The following MGMT variants were observed in gnomAD, a reference collection of about 807,000 sequenced individuals.
The protein encoded by MGMT is methylated-DNA--protein-cysteine methyltransferase.
In MGMT, 14 loss-of-function variants were observed where a neutral mutation model predicts 15.9. The ratio of observed to expected loss-of-function variants is 0.88; its 90% CI spans 0.58 to 1.37. MGMT has a LOEUF of 1.37. Ranked by LOEUF, MGMT falls within the 40% of genes most tolerant of loss-of-function variation. The pLI is 0.00. For synonymous variants in MGMT, 130 were observed against 118.2 expected, an observed-to-expected ratio of 1.10 and a Z score of -0.65; for missense variants, 282 against 268.1, an observed-to-expected ratio of 1.05 and a Z score of -0.36.
chr10:129,479,987 T>G (rs886827356), intron 1 of MGMT, among the ~76,000 whole-genome samples: 4 of 152,168 alleles, frequency 2.6e-5, no homozygotes, highest in Non-Finnish European at 5.9e-5. Context: ...ACAATAAACC[T>G]ATTAGCTTTT....
intron 1 of MGMT, among the ~76,000 whole-genome samples, chr10:129,508,229 C>G (rs61744500): frequency 0.086 from 13,141 of 152,102 alleles, 723 homozygotes; most frequent in East Asian, 0.28. Flanking sequence ...GATGGCCACA[C>G]CACTCCAGCC....
At chr10:129,763,626 G>T (rs555136797) in intron 4 of MGMT, among the ~76,000 whole-genome samples, 2 of 152,272 alleles carry the variant, frequency 1.3e-5, no homozygotes, top group Admixed American at 1.3e-4. Context: ...TCTGCTATTA[G>T]GTAGGAAAAT....
chr10:129,619,442 G>T (rs1325633712), intron 2 of MGMT, among the ~76,000 whole-genome samples: 1 of 152,080 alleles, frequency 6.6e-6, no homozygotes, highest in East Asian at 1.9e-4. Context: ...CGAATTACGG[G>T]ATACTGGTCT....
chr10:129,759,391 T>G (rs1589979860), intron 4 of MGMT, 50 bp downstream of exon 4: 1 of 1,611,946 alleles, frequency 6.2e-7, no homozygotes, highest in Non-Finnish European at 8.5e-7. Flanking sequence ...TGCGTGCAGG[T>G]GGCAGGGTGT....
chr10:129,593,331 G>A (rs1846711548), intron 2 of MGMT, among the ~76,000 whole-genome samples: 1 of 152,220 alleles, frequency 6.6e-6, no homozygotes, highest in Admixed American at 6.5e-5. Context: ...GGTGGGTCCT[G>A]ATCAGCAGTT....
intron 4 of MGMT, 31 bp downstream of exon 4, chr10:129,759,372 G>T (rs769978569): frequency 1.2e-6 from 2 of 1,613,554 alleles, no homozygotes; most frequent in South Asian, 2.2e-5. Flanking sequence ...CATGGCTGTG[G>T]GTGGCGGGTG....
intron 3 of MGMT, among the ~76,000 whole-genome samples, chr10:129,714,468 A>G (rs1008792436): frequency 1.2e-4 from 19 of 152,170 alleles, no homozygotes; most frequent in African/African-American, 4.3e-4. Context: ...CAAGTTACTC[A>G]TATCTCAGTT....
chr10:129,495,565 C>T lies in MGMT; in HGVS notation c.-13+28269C>T, dbSNP rs1845512175. Among the ~76,000 whole-genome samples, 3 of 152,152 alleles carry T rather than the reference C, an allele frequency of 2.0e-5. No individual in the cohort carries two copies. In the South Asian group the frequency reaches 6.2e-4, roughly 32 times the overall value. ...TGCTGAACTTTTTAATTCCTGTTTGCTTGTAGAGAAAGAAAATTCTCATCT... is the reference window on the plus strand; with the variant it reads ...TGCTGAACTTTTTAATTCCTGTTTGTTTGTAGAGAAAGAAAATTCTCATCT... On this transcript the variant is annotated intron_variant, in intron 1 of 4. Transcript: ENST00000651593.
At chr10:129,644,559 C>A (rs1197982963) in intron 2 of MGMT, among the ~76,000 whole-genome samples, 1 of 152,190 alleles carries the variant, frequency 6.6e-6, no homozygotes, top group African/African-American at 2.4e-5. Context: ...TGGGTTCCCC[C>A]CCTGAGGCCT....
intron 1 of MGMT, among the ~76,000 whole-genome samples, chr10:129,523,753 G>GA (rs1278995164): frequency 1.3e-5 from 2 of 152,196 alleles, no homozygotes; most frequent in African/African-American, 2.4e-5. Context: ...TCCATAGAGA[G>GA]AGCAGAGGTG....
intron 2 of MGMT, among the ~76,000 whole-genome samples, chr10:129,645,116 C>G (rs989224381): frequency 1.5e-5 from 2 of 133,402 alleles, no homozygotes; most frequent in African/African-American, 6.0e-5. Flanking sequence ...AGCCTGAAAG[C>G]CCTTTTTTTT....
At chr10:129,665,615 G>A (rs1197684360) in intron 2 of MGMT, among the ~76,000 whole-genome samples, 4 of 152,082 alleles carry the variant, frequency 2.6e-5, no homozygotes, top group Non-Finnish European at 4.4e-5. Flanking sequence ...ATGGGATTGA[G>A]GGGGAAAGAG....
At chr10:129,636,638 T>C (rs1157049430) in intron 2 of MGMT, among the ~76,000 whole-genome samples, 1 of 152,268 alleles carries the variant, frequency 6.6e-6, no homozygotes, top group Non-Finnish European at 1.5e-5. Flanking sequence ...AGCATTCCAC[T>C]GTTGATTTCC....
intron 2 of MGMT, among the ~76,000 whole-genome samples, chr10:129,591,660 G>A (rs1046563585): frequency 8.5e-5 from 13 of 152,320 alleles, no homozygotes; most frequent in African/African-American, 2.6e-4. Flanking sequence ...GGCCGGACGC[G>A]GTGGCTCACG....
intron 1 of MGMT, among the ~76,000 whole-genome samples, chr10:129,518,784 A>G (rs1845772550): frequency 1.3e-5 from 2 of 151,426 alleles, no homozygotes; most frequent in Non-Finnish European, 2.9e-5. Flanking sequence ...CTTCCATTCA[A>G]CAGTAGGGTA....
At chr10:129,660,291 G>A (rs944396596) in intron 2 of MGMT, among the ~76,000 whole-genome samples, 1 of 151,972 alleles carries the variant, frequency 6.6e-6, no homozygotes, top group African/African-American at 2.4e-5. Context: ...GTGGTATCTC[G>A]GCGGATGGGC....
chr10:129,537,818 C>T (rs1173602970), intron 2 of MGMT, among the ~76,000 whole-genome samples: 1 of 152,164 alleles, frequency 6.6e-6, no homozygotes, highest in Admixed American at 6.6e-5. Context: ...CATGAAAACA[C>T]ACCTGTGGAC....
chr10:129,524,115 C>T (rs115490049), intron 1 of MGMT, among the ~76,000 whole-genome samples: 28 of 152,274 alleles, frequency 1.8e-4, no homozygotes, highest in Non-Finnish European at 3.5e-4. Context: ...AGCCAGTGAC[C>T]TTCTGAAACC....
chr10:129,651,247 G>A (rs1052294835), intron 2 of MGMT, among the ~76,000 whole-genome samples: 10 of 152,118 alleles, frequency 6.6e-5, no homozygotes, highest in African/African-American at 2.4e-4. Flanking sequence ...CCTTCCCTTA[G>A]GTGCTCGTTT....
Sources: gnomAD v4.1 joint callset for allele counts (sites outside exome capture counted in the v4.1 genomes callset) on GRCh38, gnomAD v4.1.1 for gene constraint, MANE v1.5 for transcripts, NCBI Gene and HGNC (gene_info 2026-07-23, HGNC 2026-07-21) for gene names.